Variants in SEMA3E observed in about 807,000 individuals in gnomAD.
SEMA3E encodes the protein semaphorin-3E.
A neutral mutation model predicts 93.6 loss-of-function variants in SEMA3E; 49 were observed. That is an observed-to-expected ratio of 0.52 (90% CI 0.42 to 0.66). The LOEUF is 0.66. Among genes scored for constraint, SEMA3E ranks in the 30% least tolerant of loss-of-function variants. The pLI, the probability that SEMA3E is intolerant of heterozygous loss-of-function variation, is 0.00. For missense variants in SEMA3E, 906 were observed against 964.8 expected (o/e 0.94, Z 0.81); for synonymous variants, 363 against 330.7 (o/e 1.10, Z -1.06).
intron 1 of SEMA3E, among the ~76,000 whole-genome samples, chr7:83,542,572 CTAAA>C (rs1257956319): frequency 6.6e-6 from 1 of 151,474 alleles, no homozygotes; most frequent in East Asian, 1.9e-4. Context: ...GAATAGTTGA[CTAAA>C]TAAAATAAAC....
chr7:83,637,865 C>T lies in SEMA3E; in HGVS notation c.115+10563G>A, dbSNP rs541563335. ...TTAGAAAGAGGAGATCCTTACAAGG[C>T]GGTAGGACAGTGGTTTCTGGGCTGG... On this transcript the variant is annotated intron_variant, in intron 1 of 16. Transcript: ENST00000643230. Among the ~76,000 whole-genome samples, 11 of 147,910 alleles carry T rather than the reference C, an allele frequency of 7.4e-5. No individual in the cohort carries two copies. In the East Asian group the frequency reaches 1.0e-3, roughly 13 times the overall value.
intron 1 of SEMA3E, among the ~76,000 whole-genome samples, chr7:83,605,406 G>A (rs2371868): frequency 0.33 from 49,803 of 150,506 alleles, 8,330 homozygotes; most frequent in South Asian, 0.36. Context: ...TTATTCACAT[G>A]TTTCTTGGCC....
At chr7:83,541,684 G>C (rs889979276) in intron 1 of SEMA3E, among the ~76,000 whole-genome samples, 1 of 152,102 alleles carries the variant, frequency 6.6e-6, no homozygotes, top group Non-Finnish European at 1.5e-5. Context: ...AACAAATGCA[G>C]TATTGCCAGC....
chr7:83,404,405 T>C (rs2709932), intron 9 of SEMA3E, among the ~76,000 whole-genome samples: 76,536 of 151,720 alleles, frequency 0.5, 22,262 homozygotes, highest in East Asian at 0.85. Flanking sequence ...TGACAGTTTA[T>C]GGCTTATATG....
At chr7:83,575,615 A>G (rs1792383889) in intron 1 of SEMA3E, among the ~76,000 whole-genome samples, 1 of 152,176 alleles carries the variant, frequency 6.6e-6, no homozygotes, top group African/African-American at 2.4e-5. Context: ...CCCGGGCCTC[A>G]TAATTATCTG....
chr7:83,390,086 C>T (rs910012488), intron 14 of SEMA3E, among the ~76,000 whole-genome samples: 1 of 94,658 alleles, frequency 1.1e-5, no homozygotes, highest in Non-Finnish European at 2.2e-5. Flanking sequence ...TACGTGTGCA[C>T]ATATATGCGC....
At chr7:83,500,590 CT>C (rs371350850) in intron 1 of SEMA3E, among the ~76,000 whole-genome samples, 59 of 100,638 alleles carry the variant, frequency 5.9e-4, no homozygotes, top group East Asian at 2.0e-3. Context: ...AACTTTCTTC[CT>C]TTTTTTTTTT....
chr7:83,465,741 A>T (rs1789742186), intron 4 of SEMA3E, among the ~76,000 whole-genome samples: 1 of 152,186 alleles, frequency 6.6e-6, no homozygotes, highest in African/African-American at 2.4e-5. Context: ...ATTCTACATG[A>T]GTATATTGTT....
At chr7:83,616,956 C>T (rs1348941340) in intron 1 of SEMA3E, among the ~76,000 whole-genome samples, 2 of 152,128 alleles carry the variant, frequency 1.3e-5, no homozygotes, top group East Asian at 1.9e-4. Context: ...AACTCCTGAA[C>T]TCAGGTGATC....
At chr7:83,635,896 T>G (rs576176050) in intron 1 of SEMA3E, among the ~76,000 whole-genome samples, 1 of 140,772 alleles carries the variant, frequency 7.1e-6, no homozygotes, top group Non-Finnish European at 1.6e-5. Flanking sequence ...AAAAAAAAAA[T>G]CTTGCTTTGG....
chr7:83,541,970 A>C (rs1026058121), intron 1 of SEMA3E, among the ~76,000 whole-genome samples: 3 of 152,064 alleles, frequency 2.0e-5, no homozygotes, highest in Non-Finnish European at 2.9e-5. Context: ...AGTCTGACAT[A>C]ATGTTGCTTG....
intron 1 of SEMA3E, among the ~76,000 whole-genome samples, chr7:83,574,691 T>C (rs1011474144): frequency 6.6e-6 from 1 of 152,110 alleles, no homozygotes; most frequent in African/African-American, 2.4e-5. Context: ...TAGTGACCAC[T>C]AAGTGAACAA....
chr7:83,471,123 G>A (rs2722986), intron 2 of SEMA3E, among the ~76,000 whole-genome samples: 2 of 151,588 alleles, frequency 1.3e-5, no homozygotes, highest in African/African-American at 4.8e-5. Context: ...GGGCTAATTA[G>A]CATAAGATGC....
At chr7:83,645,697 A>T (rs990655238) in intron 1 of SEMA3E, among the ~76,000 whole-genome samples, 3 of 147,898 alleles carry the variant, frequency 2.0e-5, no homozygotes, top group African/African-American at 7.6e-5. Context: ...CACACCTCTT[A>T]CTACCCTTGT....
At chr7:83,609,634 G>A (rs1450349525) in intron 1 of SEMA3E, among the ~76,000 whole-genome samples, 1 of 151,654 alleles carries the variant, frequency 6.6e-6, no homozygotes, top group Non-Finnish European at 1.5e-5. Context: ...ACTATATATT[G>A]TGATCAACGG....
Position 83,469,022 on chromosome 7 carries a change from A to G in SEMA3E, c.336+221T>C, listed in dbSNP as rs542888091. On this transcript the variant is annotated intron_variant, in intron 3 of 16. Coordinates refer to ENST00000643230, the MANE Select transcript of SEMA3E (RefSeq NM_012431.3). ...ACCCAAGTTGATTAAGATATTAGAAAACAAAATAAAAACCAAGATCTCAAT... is the reference window on the plus strand; with the variant it reads ...ACCCAAGTTGATTAAGATATTAGAAGACAAAATAAAAACCAAGATCTCAAT... Among the ~76,000 whole-genome samples, 127 of 152,324 alleles carry G rather than the reference A, an allele frequency of 8.3e-4. 1 individual carries two copies. The highest frequency in any genetic ancestry group is 3.0e-3 in the African/African-American group (124 of 41,576).
chr7:83,460,426 G>A (rs532538221), intron 4 of SEMA3E, among the ~76,000 whole-genome samples: 13 of 152,018 alleles, frequency 8.6e-5, no homozygotes, highest in South Asian at 2.1e-4. Context: ...ACTCCGGCAC[G>A]GGTCATGGAC....
rs1016662961 is a variant in SEMA3E at position 83,626,108 on chromosome 7, C to T, written c.115+22320G>A. 1.2e-4 allele frequency among the ~76,000 whole-genome samples: 19 copies of T among 152,022 alleles called. No homozygotes were observed. The East Asian group carries it at 1.4e-3, about 11-fold the overall frequency. On this transcript the variant is annotated intron_variant, in intron 1 of 16. Transcript: ENST00000643230. ...TAATGTGCTGCTGGATTTGGTTTGA[C>T]GAATTTTGTTGAAGATTTTCACATC...
At chr7:83,489,582 A>T (rs1790338140) in intron 2 of SEMA3E, among the ~76,000 whole-genome samples, 1 of 152,154 alleles carries the variant, frequency 6.6e-6, no homozygotes, top group African/African-American at 2.4e-5. Context: ...TTGTATAATT[A>T]TAGACTATAA....
Sources: gnomAD v4.1 joint callset for allele counts (sites outside exome capture counted in the v4.1 genomes callset) on GRCh38, gnomAD v4.1.1 for gene constraint, MANE v1.5 for transcripts, NCBI Gene and HGNC (gene_info 2026-07-23, HGNC 2026-07-21) for gene names.